Variants in CNTNAP5 observed in about 807,000 individuals in gnomAD.
CNTNAP5 encodes the protein contactin-associated protein-like 5.
CNTNAP5 carries 72 observed loss-of-function variants against 150.2 expected under a neutral mutation model. The observed-to-expected ratio is 0.48, with a 90% CI of 0.40 to 0.58. CNTNAP5 has a LOEUF of 0.58. Ranked by LOEUF, CNTNAP5 falls within the 20% of genes least tolerant of loss-of-function variation. CNTNAP5 has a pLI of 0.00. For synonymous variants in CNTNAP5, 672 were observed against 619.8 expected (o/e 1.08, Z -1.25); for missense variants, 1,636 against 1,626.2 (o/e 1.01, Z -0.10).
chr2:124,428,088 G>T (rs892011719), intron 4 of CNTNAP5, among the ~76,000 whole-genome samples: 2 of 152,124 alleles, frequency 1.3e-5, no homozygotes, highest in Admixed American at 1.3e-4. Flanking sequence ...CCTGCACTTT[G>T]TCTCTCTCCT....
intron 21 of CNTNAP5, among the ~76,000 whole-genome samples, chr2:124,878,082 G>A (rs1009107076): frequency 6.6e-6 from 1 of 152,026 alleles, no homozygotes; most frequent in East Asian, 1.9e-4. Context: ...TGGTTTTTAA[G>A]GAATGATATG....
intron 1 of CNTNAP5, among the ~76,000 whole-genome samples, chr2:124,145,837 A>AAAAGAG (rs140477380): frequency 8.5e-5 from 4 of 46,962 alleles, no homozygotes; most frequent in Non-Finnish European, 1.2e-4. Context: ...AAGAAGAAAA[A>AAAAGAG]AAAAAAAAAT....
At chr2:124,599,009 C>A (rs931368060) in intron 11 of CNTNAP5, among the ~76,000 whole-genome samples, 3 of 152,046 alleles carry the variant, frequency 2.0e-5, no homozygotes, top group African/African-American at 4.8e-5. Flanking sequence ...GGCTCACGCA[C>A]GGTGCGCACA....
chr2:124,681,638 A>G (rs770427734), intron 13 of CNTNAP5, among the ~76,000 whole-genome samples: 35 of 152,174 alleles, frequency 2.3e-4, no homozygotes, highest in Non-Finnish European at 1.5e-4. Flanking sequence ...ATCTCTGCTC[A>G]CTGCAACTTC....
At chr2:124,128,707 T>C (rs531369943) in intron 1 of CNTNAP5, among the ~76,000 whole-genome samples, 12 of 152,274 alleles carry the variant, frequency 7.9e-5, no homozygotes, top group African/African-American at 2.4e-4. Context: ...GTGTCACGTA[T>C]ACACCATGGA....
At chr2:124,530,084 G>C (rs906700879) in intron 10 of CNTNAP5, among the ~76,000 whole-genome samples, 1 of 152,096 alleles carries the variant, frequency 6.6e-6, no homozygotes, top group South Asian at 2.1e-4. Context: ...GGCCAAGGAA[G>C]GCAGATTAAC....
intron 1 of CNTNAP5, among the ~76,000 whole-genome samples, chr2:124,145,826 A>AC (rs1287201613): frequency 0.057 from 210 of 3,672 alleles, 4 homozygotes; most frequent in African/African-American, 0.098. Flanking sequence ...AAAAAAAAAA[A>AC]AAGAAGAAAA....
chr2:124,378,559 G>A (rs571644018), intron 3 of CNTNAP5, among the ~76,000 whole-genome samples: 70 of 151,774 alleles, frequency 4.6e-4, no homozygotes, highest in African/African-American at 1.5e-3. Flanking sequence ...AAATTACATT[G>A]TATGGTCTTA....
At chr2:124,522,455 T>C (rs1694866877) in intron 8 of CNTNAP5, among the ~76,000 whole-genome samples, 1 of 152,190 alleles carries the variant, frequency 6.6e-6, no homozygotes, top group Non-Finnish European at 1.5e-5. Context: ...TCATTGGCTC[T>C]TGTGCTGGCT....
chr2:124,589,786 T>C (rs995821574), intron 11 of CNTNAP5, among the ~76,000 whole-genome samples: 1 of 152,206 alleles, frequency 6.6e-6, no homozygotes, highest in Non-Finnish European at 1.5e-5. Flanking sequence ...TTCCATGGAA[T>C]TTTAACCACA....
chr2:124,114,836 A>T (rs1018684691), intron 1 of CNTNAP5, among the ~76,000 whole-genome samples: 1 of 151,526 alleles, frequency 6.6e-6, no homozygotes, highest in Admixed American at 6.6e-5. Flanking sequence ...TTATATGTAC[A>T]TATATTTATA....
At chr2:124,368,729 G>A (rs1379593262) in intron 3 of CNTNAP5, among the ~76,000 whole-genome samples, 1 of 152,118 alleles carries the variant, frequency 6.6e-6, no homozygotes, top group African/African-American at 2.4e-5. Context: ...ACAGAGAGTG[G>A]TAAACTTTGT....
intron 1 of CNTNAP5, among the ~76,000 whole-genome samples, chr2:124,035,849 T>C (rs1681198676): frequency 6.6e-6 from 1 of 151,182 alleles, no homozygotes; most frequent in Admixed American, 6.6e-5. Context: ...CACAGAGTCC[T>C]ACTTCGTGGT....
chr2:124,368,658 C>A (rs1284477342), intron 3 of CNTNAP5, among the ~76,000 whole-genome samples: 2 of 152,076 alleles, frequency 1.3e-5, no homozygotes, highest in African/African-American at 4.8e-5. Flanking sequence ...GTATGGAAAA[C>A]TATTCAAAAT....
intron 6 of CNTNAP5, among the ~76,000 whole-genome samples, chr2:124,452,682 G>C (rs140479415): frequency 1.3e-5 from 2 of 152,234 alleles, no homozygotes; most frequent in African/African-American, 4.8e-5. Context: ...GCCCATATCC[G>C]TGGCTGAGAG....
At chr2:124,514,728 A>C (rs2104875792) in intron 8 of CNTNAP5, among the ~76,000 whole-genome samples, 1 of 152,336 alleles carries the variant, frequency 6.6e-6, no homozygotes. Flanking sequence ...TTGGTTCTTA[A>C]GAATGAATAG....
intron 1 of CNTNAP5, among the ~76,000 whole-genome samples, chr2:124,109,377 T>C (rs570372960): frequency 2.3e-4 from 35 of 152,086 alleles, no homozygotes; most frequent in African/African-American, 6.7e-4. Context: ...ACAGGTAGAG[T>C]TGGGGATGGT....
chr2:124,138,353 T>C (rs1226204015), intron 1 of CNTNAP5, among the ~76,000 whole-genome samples: 1 of 152,214 alleles, frequency 6.6e-6, no homozygotes, highest in Non-Finnish European at 1.5e-5. Context: ...TAAGGAACTG[T>C]TATCAATATC....
chr2:124,498,421 A>G (rs554214269), intron 7 of CNTNAP5, among the ~76,000 whole-genome samples: 2 of 152,120 alleles, frequency 1.3e-5, no homozygotes, highest in African/African-American at 4.8e-5. Context: ...ATAATCAGTC[A>G]ATTGGTTATT....
Sources: gnomAD v4.1 joint callset for allele counts (sites outside exome capture counted in the v4.1 genomes callset) on GRCh38, gnomAD v4.1.1 for gene constraint, MANE v1.5 for transcripts, NCBI Gene and HGNC (gene_info 2026-07-23, HGNC 2026-07-21) for gene names.